Variants in BBOX1 observed in about 807,000 individuals in gnomAD.
BBOX1 encodes gamma-butyrobetaine hydroxylase 1.
In BBOX1, 35 loss-of-function variants were observed where a neutral mutation model predicts 41.6. That is an observed-to-expected ratio of 0.84 (90% CI 0.64 to 1.11). The LOEUF (loss-of-function observed/expected upper bound fraction) is 1.11, where lower values mean the gene tolerates loss of function less well. BBOX1 is among the 50% of genes most tolerant of loss of function. The pLI, the probability that BBOX1 is intolerant of heterozygous loss-of-function variation, is 0.00. For missense variants in BBOX1, 458 were observed against 460.6 expected (o/e 0.99, Z 0.05); for synonymous variants, 163 against 154.7 (o/e 1.05, Z -0.40).
chr11:27,112,102 G>T (rs1232699877), intron 5 of BBOX1, among the ~76,000 whole-genome samples: 2 of 151,952 alleles, frequency 1.3e-5, no homozygotes, highest in Admixed American at 1.3e-4. Flanking sequence ...TGCACCATGA[G>T]TATGTACTCA....
At chr11:27,112,392 A>C (rs1254494910) in intron 5 of BBOX1, among the ~76,000 whole-genome samples, 1 of 151,942 alleles carries the variant, frequency 6.6e-6, no homozygotes, top group African/African-American at 2.4e-5. Context: ...GTAGGTGCCT[A>C]AAGTTTTATT....
intron 5 of BBOX1, among the ~76,000 whole-genome samples, chr11:27,109,652 A>G (rs1668910139): frequency 6.6e-6 from 1 of 152,106 alleles, no homozygotes; most frequent in Admixed American, 6.6e-5. Context: ...ATAGTTGGCA[A>G]GGTTAGAAAA....
chr11:27,127,424 T>C lies in BBOX1; in HGVS notation c.1135T>C (p.Leu379=). Residue 379 remains leucine, a synonymous_variant, in exon 9 of 9, where the codon TTA becomes CTA. Transcript: ENST00000263182. ...WDVVMSRLRI[L]RQRVENGN Reference sequence around the variant, plus strand: ...TGTGGTCATGTCAAGGCTTCGTATCTTAAGGCAGAGGGTGGAGAATGGAAA... The same window carrying C: ...TGTGGTCATGTCAAGGCTTCGTATCCTAAGGCAGAGGGTGGAGAATGGAAA... The C allele has an allele frequency of 1.2e-6, 2 of 1,611,638 alleles. No homozygotes were observed. Among genetic ancestry groups the C allele is most frequent in the Non-Finnish European group, 1.7e-6 (2 of 1,179,514 alleles).
chr11:27,087,217 T>G (rs978005259), intron 4 of BBOX1, among the ~76,000 whole-genome samples: 5 of 152,028 alleles, frequency 3.3e-5, no homozygotes, highest in Admixed American at 2.0e-4. Context: ...TGTGGAAAAA[T>G]GCTATCAAAC....
intron 4 of BBOX1, among the ~76,000 whole-genome samples, chr11:27,061,522 T>C (rs1216063650): frequency 2.0e-5 from 3 of 152,224 alleles, no homozygotes; most frequent in Non-Finnish European, 4.4e-5. Context: ...CCTTATTTCA[T>C]TGCCATTGCA....
At chr11:27,083,849 C>T (rs1358973397) in intron 4 of BBOX1, among the ~76,000 whole-genome samples, 1 of 152,082 alleles carries the variant, frequency 6.6e-6, no homozygotes, top group African/African-American at 2.4e-5. Context: ...AAGATTTCAA[C>T]ATAACATAAT....
At chr11:27,115,951 C>A (rs1392308138) in intron 6 of BBOX1, among the ~76,000 whole-genome samples, 3 of 151,910 alleles carry the variant, frequency 2.0e-5, no homozygotes, top group Admixed American at 6.6e-5. Flanking sequence ...CTCAAAGTCA[C>A]ATGGGCATCA....
In BBOX1 at chr11:27,055,464, G is replaced by C; in HGVS notation, c.34G>C (p.Asp12His). ...ACTIQKAEAL[D>H]GAHLMQILWY... ...TACCATCCAAAAGGCAGAAGCACTT[G>C]ACGGGGCTCATTTGATGCAGATCCT... The change falls in exon 3 of 9, where the codon GAC (aspartate) becomes CAC (histidine). Residue 12 changes from aspartate to histidine, a missense_variant. Transcript: ENST00000263182. 1 of 1,614,052 alleles carries C rather than the reference G, an allele frequency of 6.2e-7. No homozygotes were observed. Among genetic ancestry groups the C allele is most frequent in the Non-Finnish European group, 8.5e-7 (1 of 1,180,044 alleles).
chr11:27,047,266 G>A (rs1237575422), intron 2 of BBOX1: 1 of 152,160 alleles, frequency 6.6e-6, no homozygotes, highest in Non-Finnish European at 1.5e-5. Context: ...AATGGTCTCA[G>A]GTTCCCCCAG....
At chr11:27,080,610 C>T (rs1050052594) in intron 4 of BBOX1, among the ~76,000 whole-genome samples, 1 of 152,118 alleles carries the variant, frequency 6.6e-6, no homozygotes, top group Non-Finnish European at 1.5e-5. Flanking sequence ...ACAAATATAC[C>T]TATAATACAT....
chr11:27,121,879 A>G (rs910718586), intron 7 of BBOX1, among the ~76,000 whole-genome samples: 1 of 152,188 alleles, frequency 6.6e-6, no homozygotes, highest in Non-Finnish European at 1.5e-5. Flanking sequence ...GCTATAGATA[A>G]GATTAACTGA....
In BBOX1 at chr11:27,047,957, T is replaced by A. The variant is rs183246082; in HGVS notation, c.-39+6479T>A. Among the ~76,000 whole-genome samples the A allele has an allele frequency of 7.2e-5, 11 of 152,306 alleles. No homozygotes were observed. The East Asian group carries it at 1.9e-3, about 27-fold the overall frequency. On this transcript the variant is annotated intron_variant, in intron 2 of 8. Coordinates refer to ENST00000263182, the MANE Select transcript of BBOX1 (RefSeq NM_003986.3). ...AAACTAATAATCTTTTTTCACTTTA[T>A]GTTGTTATTTTTCCTGTTTTATTGA...
chr11:27,049,858 A>G (rs1241271568), intron 2 of BBOX1, among the ~76,000 whole-genome samples: 3 of 152,128 alleles, frequency 2.0e-5, no homozygotes, highest in South Asian at 2.1e-4. Flanking sequence ...ATTTAATTCA[A>G]TACCATCTCA....
At chr11:27,092,411 C>A (rs1858279732) in intron 4 of BBOX1, among the ~76,000 whole-genome samples, 1 of 151,946 alleles carries the variant, frequency 6.6e-6, no homozygotes, top group South Asian at 2.1e-4. Context: ...GTTTCCTTGG[C>A]AAATTTGCAT....
intron 4 of BBOX1, among the ~76,000 whole-genome samples, chr11:27,060,186 T>G (rs1337368690): frequency 1.3e-5 from 2 of 152,148 alleles, no homozygotes. Flanking sequence ...ATGAATTGTT[T>G]AGCACCATCC....
At chr11:27,084,089 C>T (rs1263528499) in intron 4 of BBOX1, among the ~76,000 whole-genome samples, 1 of 152,114 alleles carries the variant, frequency 6.6e-6, no homozygotes, top group African/African-American at 2.4e-5. Context: ...CAAAAAGACC[C>T]AGGAGTGGAT....
intron 6 of BBOX1, among the ~76,000 whole-genome samples, chr11:27,116,607 T>G (rs1267124257): frequency 6.6e-6 from 1 of 151,966 alleles, no homozygotes; most frequent in African/African-American, 2.4e-5. Flanking sequence ...TGCAATTGGT[T>G]GCTAAGTTGG....
chr11:27,065,370 T>C (rs1857251223), intron 4 of BBOX1, among the ~76,000 whole-genome samples: 1 of 152,256 alleles, frequency 6.6e-6, no homozygotes, highest in Non-Finnish European at 1.5e-5. Flanking sequence ...CAATGTGTCC[T>C]ATTCTTTTCT....
chr11:27,091,302 G>C (rs16916527), intron 4 of BBOX1, among the ~76,000 whole-genome samples: 9,121 of 151,902 alleles, frequency 0.06, 911 homozygotes, highest in African/African-American at 0.21. Context: ...TTCTCCTATA[G>C]ACTGTGAACT....
Sources: allele counts gnomAD v4.1 joint callset (sites outside exome capture counted in the v4.1 genomes callset), GRCh38; gene constraint gnomAD v4.1.1; transcripts MANE v1.5; gene names NCBI Gene and HGNC (gene_info 2026-07-23, HGNC 2026-07-21).